RHD: variants seen among roughly 807,000 people sequenced by gnomAD.
RHD encodes blood group Rh(D) polypeptide.
In RHD, 16 loss-of-function variants were observed where a neutral mutation model predicts 45.5. The ratio of observed to expected loss-of-function variants is 0.35; its 90% confidence interval spans 0.24 to 0.53. The LOEUF is 0.53. Ranked by LOEUF, RHD falls within the 20% of genes least tolerant of loss-of-function variation. The pLI is 0.92. For synonymous variants in RHD, 131 were observed against 217.5 expected (o/e 0.60, Z 3.50); for missense variants, 306 against 532.0 (o/e 0.58, Z 4.18).
intron 2 of RHD, among the ~76,000 whole-genome samples, chr1:25,287,360 A>G (rs1642116757): frequency 7.4e-6 from 1 of 135,384 alleles, no homozygotes; most frequent in Non-Finnish European, 1.8e-5. Flanking sequence ...CAATCTAGAA[A>G]GACGAGAAGG....
Position 25,292,469 on chromosome 1 carries a change from G to A in RHD, c.486+1678G>A, listed in dbSNP as rs577199165. 1.4e-4 allele frequency among the ~76,000 whole-genome samples: 18 copies of A among 132,222 alleles called. 4 individuals are homozygous for A. Among genetic ancestry groups the A allele is most frequent in the Middle Eastern group, 4.1e-3 (1 of 242 alleles). The allele number at this position is 132,222 out of a possible 152,430, so 86.7% of individuals were successfully genotyped here. On this transcript the variant is annotated intron_variant, in intron 3 of 9. Transcript: ENST00000328664. The stretch of plus-strand genomic sequence containing the variant: ...TGTATTTTAATAGCAGAATTGACAG[G>A]ATTTGCTGATAGACTGCACGTGGGG...
chr1:25,286,192 T>G lies in RHD; in HGVS notation c.335+1433T>G, dbSNP rs1641973261. On this transcript the variant is annotated intron_variant, in intron 2 of 9. Coordinates refer to ENST00000328664, the MANE Select transcript of RHD (RefSeq NM_016124.6). Reference sequence around the variant, plus strand: ...GAAAAAACTTTATATATTTTTCTTTTTTAAAAGGTTTAGAGGCTGGGCATG... The same window carrying G: ...GAAAAAACTTTATATATTTTTCTTTGTTAAAAGGTTTAGAGGCTGGGCATG... Among the ~76,000 whole-genome samples, 3 of 135,412 alleles carry G rather than the reference T, an allele frequency of 2.2e-5. 1 individual carries two copies. The highest frequency in any genetic ancestry group is 2.1e-4 in the Admixed American group (3 of 14,030). 88.8% of individuals were successfully genotyped at this position (135,412 alleles called of 152,430 possible).
In RHD at chr1:25,301,496, C is replaced by G. The variant is rs1460321646; in HGVS notation, c.635-24C>G. On this transcript the variant is annotated intron_variant, in intron 4 of 9. Coordinates refer to ENST00000328664, the MANE Select transcript of RHD (RefSeq NM_016124.6). ...CTTTGGAGCAGGAGTGTGATTCTGGCCAACCACCCTCTCTGGCCCCCAGGC... is the reference window on the plus strand; with the variant it reads ...CTTTGGAGCAGGAGTGTGATTCTGGGCAACCACCCTCTCTGGCCCCCAGGC... 5 of 1,375,976 alleles carry G rather than the reference C, an allele frequency of 3.6e-6. 1 individual carries two copies. The highest frequency in any genetic ancestry group is 1.4e-5 in the African/African-American group (1 of 69,660). The allele number at this position is 1,375,976 out of a possible 1,614,324, so 85.2% of individuals were successfully genotyped here. A position where few individuals can be genotyped will look rare whatever the true frequency, so the allele number is the denominator to read the frequency against.
intron 3 of RHD, among the ~76,000 whole-genome samples, chr1:25,300,575 C>G (rs2986167): frequency 0.22 from 28,503 of 127,332 alleles, 7,893 homozygotes; most frequent in Admixed American, 0.29. Flanking sequence ...TTTGGGAGGC[C>G]GAGGCGGGTG....
Position 25,291,709 on chromosome 1 carries a change from T to C in RHD, c.486+918T>C, listed in dbSNP as rs1480010780. 5.3e-5 allele frequency among the ~76,000 whole-genome samples: 7 copies of C among 132,614 alleles called. 2 individuals carry two copies. The highest frequency in any genetic ancestry group is 1.3e-4 in the Non-Finnish European group (7 of 55,914). 87.0% of individuals were successfully genotyped at this position (132,614 alleles called of 152,430 possible). On this transcript the variant is annotated intron_variant, in intron 3 of 9. Coordinates refer to ENST00000328664, the MANE Select transcript of RHD (RefSeq NM_016124.6). Reference sequence around the variant, plus strand: ...CAAGTTTGTACAGCCAGCATCTTCTTTCAGTCAGTGCGTGTCAGTAACTGC... The same window carrying C: ...CAAGTTTGTACAGCCAGCATCTTCTCTCAGTCAGTGCGTGTCAGTAACTGC...
At chr1:25,320,738 CAG>C (rs1228348956) in intron 8 of RHD, among the ~76,000 whole-genome samples, 5 of 131,958 alleles carry the variant, frequency 3.8e-5, no homozygotes, top group African/African-American at 1.3e-4. Context: ...GCTATCTGGG[CAG>C]AGAGTAGACA....
In RHD at chr1:25,291,429, A is replaced by G. The variant is rs770153396; in HGVS notation, c.486+638A>G. Among the ~76,000 whole-genome samples the G allele has an allele frequency of 1.7e-4, 22 of 132,204 alleles. 5 individuals are homozygous for G. The highest frequency in any genetic ancestry group is 3.8e-4 in the Non-Finnish European group (21 of 55,690). The allele number at this position is 132,204 out of a possible 152,430, so 86.7% of individuals were successfully genotyped here. On this transcript the variant is annotated intron_variant, in intron 3 of 9. Coordinates refer to ENST00000328664, the MANE Select transcript of RHD (RefSeq NM_016124.6). ...GGTTGCAGTGAACCGAGATCGCGCCATTGCACTGCAGCCTGGGGGACAAGA... is the reference window on the plus strand; with the variant it reads ...GGTTGCAGTGAACCGAGATCGCGCCGTTGCACTGCAGCCTGGGGGACAAGA...
At chr1:25,284,794 T>C (rs1387017783) in intron 2 of RHD, 35 bp downstream of exon 2, 1 of 1,370,202 alleles carries the variant, frequency 7.3e-7, no homozygotes, top group Non-Finnish European at 1.0e-6. Flanking sequence ...TTCTGGGTCA[T>C]AGAGGGAATG....
At chr1:25,316,427 C>T (rs1268375200) in intron 7 of RHD, among the ~76,000 whole-genome samples, 2 of 128,080 alleles carry the variant, frequency 1.6e-5, no homozygotes, top group South Asian at 4.8e-4. Flanking sequence ...CGAGATCACC[C>T]TGGTCAACAT....
At chr1:25,286,890 C>G (rs1273180537) in intron 2 of RHD, among the ~76,000 whole-genome samples, 6 of 134,400 alleles carry the variant, frequency 4.5e-5, no homozygotes, top group African/African-American at 1.3e-4. Context: ...GTCAGGAGTC[C>G]GAGACCAACC....
At chr1:25,282,563 T>C (rs1641583465) in intron 1 of RHD, among the ~76,000 whole-genome samples, 1 of 132,054 alleles carries the variant, frequency 7.6e-6, no homozygotes, top group Non-Finnish European at 1.8e-5. Context: ...TAATAGGAAA[T>C]GATAGAGCTG....
rs986986837 is a variant in RHD, at chr1:25,274,207, G to A, written c.148+1512G>A. 8.4e-5 allele frequency among the ~76,000 whole-genome samples: 11 copies of A among 131,722 alleles called. 5 individuals are homozygous for A. The highest frequency in any genetic ancestry group is 2.0e-4 in the Non-Finnish European group (11 of 55,650). The allele number at this position is 131,722 out of a possible 152,430, so 86.4% of individuals were successfully genotyped here. On this transcript the variant is annotated intron_variant, in intron 1 of 9. Transcript: ENST00000328664. ...TGAGGTGGGTACTATTATGATCTTC[G>A]TTTTTCATATGAGGAAACTAGGCAT... is the stretch of plus-strand genomic sequence containing the variant.
rs189555493 is a variant in RHD, at chr1:25,323,499, C to T, written c.1227+1537C>T. Among the ~76,000 whole-genome samples the T allele has an allele frequency of 2.2e-3, 282 of 125,900 alleles. 40 individuals carry two copies. The highest frequency in any genetic ancestry group is 7.3e-3 in the African/African-American group (266 of 36,488). 82.6% of individuals were successfully genotyped at this position (125,900 alleles called of 152,430 possible). On this transcript the variant is annotated intron_variant, in intron 9 of 9. Coordinates refer to ENST00000328664, the MANE Select transcript of RHD (RefSeq NM_016124.6). Reference sequence around the variant, plus strand: ...TTTGAGACAGGGTCTCACTCCGCCACCCACACCGTAATGCAGTGGCACCAT... The same window carrying T: ...TTTGAGACAGGGTCTCACTCCGCCATCCACACCGTAATGCAGTGGCACCAT...
In RHD at chr1:25,292,895, A is replaced by C. The variant is rs1210475554; in HGVS notation, c.486+2104A>C. 2.5e-5 allele frequency among the ~76,000 whole-genome samples: 3 copies of C among 121,074 alleles called. 1 individual carries two copies. The highest frequency in any genetic ancestry group is 8.4e-5 in the African/African-American group (3 of 35,552). The allele number at this position is 121,074 out of a possible 152,430, so 79.4% of individuals were successfully genotyped here. A position where few individuals can be genotyped will look rare whatever the true frequency, so the allele number is the denominator to read the frequency against. Reference sequence around the variant, plus strand: ...GCATTTTAGAGGGGGGACATGTGTAAGAGCCAGCAAAGGAGACAGAATTGT... The same window carrying C: ...GCATTTTAGAGGGGGGACATGTGTACGAGCCAGCAAAGGAGACAGAATTGT... On this transcript the variant is annotated intron_variant, in intron 3 of 9. Transcript: ENST00000328664.
intron 1 of RHD, among the ~76,000 whole-genome samples, chr1:25,276,358 G>A (rs1442999686): frequency 1.6e-5 from 2 of 125,416 alleles, no homozygotes; most frequent in African/African-American, 5.5e-5. Context: ...GGCACGTAGG[G>A]TCATCGTGCT....
rs186367469 is a variant in RHD, at chr1:25,321,580, T to G, written c.1154-309T>G. Among the ~76,000 whole-genome samples, 650 of 122,920 alleles carry G rather than the reference T, an allele frequency of 5.3e-3. 87 individuals are homozygous for G. The highest frequency in any genetic ancestry group is 0.015 in the African/African-American group (539 of 36,682). The allele number at this position is 122,920 out of a possible 152,430, so 80.6% of individuals were successfully genotyped here. On this transcript the variant is annotated intron_variant, in intron 8 of 9. Coordinates refer to ENST00000328664, the MANE Select transcript of RHD (RefSeq NM_016124.6). ...AGCTACTTGGGAGGCTGAGGCAGGA[T>G]AATCGCTTGAACCTGGGAGGCAGAG...
Position 25,282,586 on chromosome 1 carries a change from G to A in RHD, c.149-1987G>A, listed in dbSNP as rs117034437. On this transcript the variant is annotated intron_variant, in intron 1 of 9. Transcript: ENST00000328664. ...AATGATAGAGCTGGGATCGAACAGA[G>A]CCATGTGAACTCAAAACCTATGCTT... Among the ~76,000 whole-genome samples, 51 of 132,580 alleles carry A rather than the reference G, an allele frequency of 3.8e-4. 3 individuals are homozygous for A. The East Asian group carries it at 1.0e-2, about 26-fold the overall frequency. The allele number at this position is 132,580 out of a possible 152,430, so 87.0% of individuals were successfully genotyped here.
chr1:25,305,208 C>A (rs1385955534), intron 6 of RHD, among the ~76,000 whole-genome samples: 1 of 129,664 alleles, frequency 7.7e-6, no homozygotes, highest in African/African-American at 2.7e-5. Flanking sequence ...GTATTCCAGG[C>A]AGAAGGCACA....
At chr1:25,312,951 A>AAAAAC (rs1644241946) in intron 7 of RHD, among the ~76,000 whole-genome samples, 3 of 112,144 alleles carry the variant, frequency 2.7e-5, no homozygotes, top group Non-Finnish European at 4.2e-5. Flanking sequence ...AAAAAAAAAA[A>AAAAAC]AAAACTTTAG....
Sources: allele counts gnomAD v4.1 joint callset (sites outside exome capture counted in the v4.1 genomes callset), GRCh38; gene constraint gnomAD v4.1.1; transcripts MANE v1.5; gene names NCBI Gene and HGNC (gene_info 2026-07-23, HGNC 2026-07-21).